The following DIAPH3 variants were observed in gnomAD, a reference collection of about 807,000 sequenced individuals.
DIAPH3 encodes protein diaphanous homolog 3.
DIAPH3 carries 117 observed loss-of-function variants against 144.3 expected under a neutral mutation model. The observed-to-expected ratio is 0.81, with a 90% CI of 0.70 to 0.95. The LOEUF (loss-of-function observed/expected upper bound fraction) is 0.95, where lower values mean the gene tolerates loss of function less well. Ranked by LOEUF, DIAPH3 falls within the 40% of genes least tolerant of loss-of-function variation. The pLI is 0.00. For synonymous variants in DIAPH3, 519 were observed against 488.9 expected (o/e 1.06, Z -0.81); for missense variants, 1,421 against 1,412.7 (o/e 1.01, Z -0.09).
At chr13:60,025,115 T>C (rs2054289436) in intron 5 of DIAPH3, among the ~76,000 whole-genome samples, 1 of 152,120 alleles carries the variant, frequency 6.6e-6, no homozygotes, top group South Asian at 2.1e-4. Flanking sequence ...TATTTTTTTC[T>C]GCGATATTTA....
chr13:60,131,776 T>A (rs902489269), intron 2 of DIAPH3, among the ~76,000 whole-genome samples: 3 of 152,206 alleles, frequency 2.0e-5, no homozygotes, highest in Admixed American at 2.0e-4. Flanking sequence ...TCATTGTATA[T>A]CATAAAACTT....
chr13:60,027,348 A>G (rs2054447177), intron 5 of DIAPH3, among the ~76,000 whole-genome samples: 1 of 152,240 alleles, frequency 6.6e-6, no homozygotes, highest in Admixed American at 6.5e-5. Context: ...TACAACCACT[A>G]ATATGTATAT....
intron 4 of DIAPH3, among the ~76,000 whole-genome samples, chr13:60,084,043 T>TAGAC (rs1237512795): frequency 4.7e-4 from 71 of 151,762 alleles, no homozygotes; most frequent in Middle Eastern, 6.8e-3. Flanking sequence ...GATAGATAGA[T>TAGAC]AGATAGATAG....
intron 22 of DIAPH3, among the ~76,000 whole-genome samples, chr13:59,848,366 G>A (rs1167973140): frequency 2.8e-5 from 4 of 140,978 alleles, no homozygotes; most frequent in Non-Finnish European, 4.5e-5. Context: ...TGCACATTGT[G>A]CAGGTTAGTT....
At chr13:60,079,406 T>C (rs1482145280) in intron 4 of DIAPH3, among the ~76,000 whole-genome samples, 1 of 152,056 alleles carries the variant, frequency 6.6e-6, no homozygotes, top group African/African-American at 2.4e-5. Context: ...TGTTCATTAA[T>C]GTAATCATAT....
At chr13:59,738,407 G>C (rs1593714200) in intron 27 of DIAPH3, among the ~76,000 whole-genome samples, 1 of 152,172 alleles carries the variant, frequency 6.6e-6, no homozygotes, top group South Asian at 2.1e-4. Flanking sequence ...GGAGCCTCCA[G>C]GGAAACAGCG....
chr13:59,961,795 C>T (rs2049777716), intron 17 of DIAPH3, among the ~76,000 whole-genome samples: 2 of 152,230 alleles, frequency 1.3e-5, no homozygotes, highest in Non-Finnish European at 2.9e-5. Flanking sequence ...TAAATGTATA[C>T]AATATCTGCC....
At chr13:59,874,318 G>T (rs1256472200) in intron 21 of DIAPH3, among the ~76,000 whole-genome samples, 1 of 152,188 alleles carries the variant, frequency 6.6e-6, no homozygotes, top group Non-Finnish European at 1.5e-5. Context: ...ATTTTGGAAA[G>T]TGTCTCATTA....
chr13:59,877,116 A>G (rs775986976), intron 21 of DIAPH3, among the ~76,000 whole-genome samples: 21 of 152,146 alleles, frequency 1.4e-4, no homozygotes, highest in Non-Finnish European at 1.3e-4. Flanking sequence ...TTTGCTAAAT[A>G]ATTGAATAAG....
intron 5 of DIAPH3, among the ~76,000 whole-genome samples, chr13:60,026,790 C>T (rs1033600233): frequency 1.3e-5 from 2 of 152,040 alleles, no homozygotes; most frequent in African/African-American, 2.4e-5. Flanking sequence ...ATACATTTTT[C>T]TTGATTTTGC....
In DIAPH3 at chr13:59,700,333, T is replaced by C. The variant is rs78672850; in HGVS notation, c.3320-33487A>G. On this transcript the variant is annotated intron_variant, in intron 27 of 27. Coordinates refer to ENST00000400324, the MANE Select transcript of DIAPH3 (RefSeq NM_001042517.2). The stretch of plus-strand genomic sequence containing the variant: ...GGTGGGGACTTCCTGTTTGGAGGAC[T>C]CTGGAATAGAGGGATGAATGTGTGC... Among the ~76,000 whole-genome samples the C allele has an allele frequency of 2.8e-3, 419 of 152,318 alleles. 3 individuals carry two copies. The highest frequency in any genetic ancestry group is 9.6e-3 in the African/African-American group (399 of 41,564).
At chr13:60,018,873 A>C (rs1037424469) in intron 5 of DIAPH3, among the ~76,000 whole-genome samples, 1 of 152,196 alleles carries the variant, frequency 6.6e-6, no homozygotes, top group African/African-American at 2.4e-5. Context: ...TAAGAATTAA[A>C]AGAAAGCTAA....
At chr13:59,731,489 CACA>C (rs1476411813) in intron 27 of DIAPH3, among the ~76,000 whole-genome samples, 1 of 151,980 alleles carries the variant, frequency 6.6e-6, no homozygotes, top group Non-Finnish European at 1.5e-5. Context: ...CAAGCAATAG[CACA>C]ACAAAAAAGA....
At chr13:60,142,419 A>C (rs1459259890) in intron 1 of DIAPH3, among the ~76,000 whole-genome samples, 1 of 152,222 alleles carries the variant, frequency 6.6e-6, no homozygotes, top group Non-Finnish European at 1.5e-5. Context: ...TATTTTTTTA[A>C]TATGGAATTA....
chr13:59,878,750 A>G (rs746099601), intron 21 of DIAPH3, among the ~76,000 whole-genome samples: 19 of 152,152 alleles, frequency 1.2e-4, no homozygotes, highest in Admixed American at 3.3e-4. Flanking sequence ...CGAGTTGCAT[A>G]TATTTCCAAT....
chr13:60,070,611 C>T (rs1477108824), intron 4 of DIAPH3, among the ~76,000 whole-genome samples: 1 of 152,124 alleles, frequency 6.6e-6, no homozygotes, highest in Non-Finnish European at 1.5e-5. Flanking sequence ...GTCATTCCAA[C>T]CTTACCCCTT....
intron 4 of DIAPH3, among the ~76,000 whole-genome samples, chr13:60,055,418 G>T (rs1324783155): frequency 1.3e-5 from 2 of 151,874 alleles, no homozygotes; most frequent in Admixed American, 6.6e-5. Context: ...TTTAAGAAGT[G>T]TTGCTTCAAC....
Position 60,052,959 on chromosome 13 carries a change from T to TAAAAAAAAAA in DIAPH3, c.496-10149_496-10140dup, listed in dbSNP as rs559991017. On this transcript the variant is annotated intron_variant, in intron 4 of 27. Coordinates refer to ENST00000400324, the MANE Select transcript of DIAPH3 (RefSeq NM_001042517.2). The stretch of plus-strand genomic sequence containing the variant: ...CTGGTGACAGAGCCAGACTCCCTCT[T>TAAAAAAAAAA]AAAAAAAAAAAAAAAAAAAAAGAAA... Among the ~76,000 whole-genome samples, 311 of 40,602 alleles carry TAAAAAAAAAA rather than the reference T, an allele frequency of 7.7e-3. 20 individuals carry two copies. Among genetic ancestry groups the TAAAAAAAAAA allele is most frequent in the East Asian group, 0.041 (94 of 2,300 alleles). The allele number at this position is 40,602 out of a possible 152,430, so 26.6% of individuals were successfully genotyped here.
chr13:60,086,462 G>T lies in DIAPH3; in HGVS notation c.495+7166C>A, dbSNP rs370108938. Reference sequence around the variant, plus strand: ...AAATTTTCTGCTAGTCAGCAAGTAAGACCTGGAAACAAGCAGGCAAAGCAT... The same window carrying T: ...AAATTTTCTGCTAGTCAGCAAGTAATACCTGGAAACAAGCAGGCAAAGCAT... On this transcript the variant is annotated intron_variant, in intron 4 of 27. Coordinates refer to ENST00000400324, the MANE Select transcript of DIAPH3 (RefSeq NM_001042517.2). Among the ~76,000 whole-genome samples, 503 of 152,250 alleles carry T rather than the reference G, an allele frequency of 3.3e-3. 2 individuals are homozygous for T. Among genetic ancestry groups the T allele is most frequent in the African/African-American group, 0.011 (464 of 41,566 alleles).
Sources: gnomAD v4.1 joint callset for allele counts (sites outside exome capture counted in the v4.1 genomes callset) on GRCh38, gnomAD v4.1.1 for gene constraint, MANE v1.5 for transcripts, NCBI Gene and HGNC (gene_info 2026-07-23, HGNC 2026-07-21) for gene names.